The following ARHGAP29 variants were observed in gnomAD, a reference collection of about 807,000 sequenced individuals.
ARHGAP29 encodes Rho GTPase activating protein 29.
In ARHGAP29, 43 loss-of-function variants were observed where a neutral mutation model predicts 122.6. The ratio of observed to expected loss-of-function variants is 0.35; its 90% CI spans 0.27 to 0.45. The LOEUF is 0.45. Among genes scored for constraint, ARHGAP29 ranks in the 20% least tolerant of loss-of-function variants. The probability of loss-of-function intolerance (pLI) is 1.00; values close to 1 mark genes in which losing one functional copy is unlikely to be tolerated. For synonymous variants in ARHGAP29, 506 were observed against 497.1 expected (o/e 1.02, Z -0.24); for missense variants, 1,303 against 1,477.2 (o/e 0.88, Z 1.93).
chr1:94,232,220 T>C, intron 1 of ARHGAP29, among the ~76,000 whole-genome samples: 1 of 151,182 alleles, frequency 6.6e-6, no homozygotes, highest in East Asian at 2.0e-4. Context: ...AGTATGCTCA[T>C]TTATAAAATG....
In ARHGAP29 at chr1:94,243,499, T is replaced by C. The variant is rs540853649; in HGVS notation, c.-32-11856A>G. 3.9e-5 allele frequency among the ~76,000 whole-genome samples: 6 copies of C among 152,110 alleles called. No homozygotes were observed. The East Asian group carries it at 1.2e-3, about 29-fold the overall frequency. On this transcript the variant is annotated intron_variant and NMD_transcript_variant, in intron 1 of 25. Coordinates refer to the ARHGAP29 transcript ENST00000552844. ...AAATTTTAATATATTTTGAACTGAA[T>C]GAAAATGAAAACCCATTTCAAAATG...
chr1:94,174,791 T>C (rs1469463859), intron 22 of ARHGAP29, 42 bp from the exon 23 acceptor site: 1 of 1,580,636 alleles, frequency 6.3e-7, no homozygotes, highest in African/African-American at 1.4e-5. Context: ...GGCACATGGT[T>C]AATAAGAGAG....
intron 1 of ARHGAP29, among the ~76,000 whole-genome samples, chr1:94,246,781 C>T (rs531481062): frequency 6.6e-4 from 100 of 152,240 alleles, no homozygotes; most frequent in Non-Finnish European, 1.2e-3. Context: ...GAAACAAACG[C>T]ACAGGGGTCC....
intron 3 of ARHGAP29, among the ~76,000 whole-genome samples, chr1:94,210,943 C>G (rs148662251): frequency 6.7e-6 from 1 of 150,224 alleles, no homozygotes; most frequent in African/African-American, 2.4e-5. Context: ...AAGGACATTA[C>G]CAGGGATAAA....
At chr1:94,201,578 G>T in intron 12 of ARHGAP29, 142 bp downstream of exon 12, 1 of 713,560 alleles carries the variant, frequency 1.4e-6, no homozygotes, top group Non-Finnish European at 2.1e-6. Context: ...CATAATCGAA[G>T]CTCACTATAA....
At chr1:94,296,899 T>C in the ARHGAP29 span, among the ~76,000 whole-genome samples, 1 of 152,244 alleles carries the variant, frequency 6.6e-6, no homozygotes, top group African/African-American at 2.4e-5. Flanking sequence ...TTTGTTATTC[T>C]GAGAAGAGAG....
At chr1:94,251,171 AT>A (rs531839914) in intron 1 of ARHGAP29, among the ~76,000 whole-genome samples, 5,478 of 134,034 alleles carry the variant, frequency 0.041, 126 homozygotes, top group African/African-American at 0.089. Flanking sequence ...TATCATACCC[AT>A]TTTTTTTTTT....
At position 94,178,030 on chromosome 1, in the gene ARHGAP29, C is replaced by T. The variant is rs751101186; in HGVS notation, c.2618G>A (p.Arg873His). Residue 873 changes from arginine to histidine, a missense_variant, in exon 21 of 23, where the codon CGC (arginine) becomes CAC (histidine). Arg to His is a conservative substitution (Grantham distance 29). Coordinates refer to ENST00000260526, the MANE Select transcript of ARHGAP29 (RefSeq NM_004815.4). ...GTAAGTAATGAGAAACTCTACCAAG[C>T]GTGCTTGATTTGAATACTCTGCAAG... ...SSLAEYSNQA[R>H]LVEFLITYSQ... is the part of the protein sequence containing the mutation. The T allele has an allele frequency of 1.3e-5, 21 of 1,613,996 alleles. No individual in the cohort carries two copies. Among genetic ancestry groups the T allele is most frequent in the South Asian group, 6.6e-5 (6 of 91,088 alleles).
intron 6 of ARHGAP29, 72 bp from the exon 7 acceptor site, chr1:94,205,270 G>A (rs17111218): frequency 0.021 from 25,379 of 1,207,266 alleles, 456 homozygotes; most frequent in East Asian, 0.092. Context: ...AAGAAGCACT[G>A]AGATCCTAAG....
At chr1:94,181,129 TTGAAGAGC>T (rs1649431091) in intron 19 of ARHGAP29, among the ~76,000 whole-genome samples, 1 of 151,734 alleles carries the variant, frequency 6.6e-6, no homozygotes, top group African/African-American at 2.4e-5. Context: ...AGCTGAAGAG[TTGAAGAGC>T]AAATGAACAA....
upstream of ARHGAP29, among the ~76,000 whole-genome samples, chr1:94,238,906 G>T (rs868518515): frequency 6.6e-6 from 1 of 152,078 alleles, no homozygotes; most frequent in Non-Finnish European, 1.5e-5. Context: ...ACCCTTACAG[G>T]AAAAACAATG....
chr1:94,308,424 A>C, the ARHGAP29 span, among the ~76,000 whole-genome samples: 1 of 152,202 alleles, frequency 6.6e-6, no homozygotes, highest in East Asian at 1.9e-4. Flanking sequence ...AATTTGTTGC[A>C]AAAAGCCAGG....
chr1:94,280,310 C>T, the ARHGAP29 span, among the ~76,000 whole-genome samples: 1 of 152,048 alleles, frequency 6.6e-6, no homozygotes, highest in Non-Finnish European at 1.5e-5. Context: ...GGGACTTTTG[C>T]TATGGAAGGT....
the ARHGAP29 span, among the ~76,000 whole-genome samples, chr1:94,299,262 C>T: frequency 1.2e-3 from 183 of 152,294 alleles, no homozygotes; most frequent in African/African-American, 4.2e-3. Flanking sequence ...TGATTATTTA[C>T]AAAATTCCAA....
chr1:94,300,247 T>A, the ARHGAP29 span, among the ~76,000 whole-genome samples: 1 of 152,150 alleles, frequency 6.6e-6, no homozygotes, highest in Non-Finnish European at 1.5e-5. Context: ...AATGGATGAA[T>A]ACATGAGCAG....
chr1:94,302,212 A>C, the ARHGAP29 span: 1 of 264,334 alleles, frequency 3.8e-6, no homozygotes, highest in Non-Finnish European at 7.5e-6. Flanking sequence ...GTTCCACTGC[A>C]CCATCAAGGC....
intron 1 of ARHGAP29, among the ~76,000 whole-genome samples, chr1:94,236,519 G>A (rs1162757025): frequency 3.3e-5 from 5 of 152,142 alleles, no homozygotes; most frequent in African/African-American, 9.7e-5. Context: ...GGGAAGGAGA[G>A]CTCAGCTCCT....
intron 1 of ARHGAP29, among the ~76,000 whole-genome samples, chr1:94,273,219 C>T (rs932033605): frequency 1.3e-5 from 2 of 152,178 alleles, no homozygotes; most frequent in African/African-American, 2.4e-5. Flanking sequence ...AAAACTGTAA[C>T]TCCATTTAAG....
chr1:94,204,146 T>C, intron 7 of ARHGAP29, 152 bp from the exon 8 acceptor site: 1 of 361,694 alleles, frequency 2.8e-6, no homozygotes, highest in Non-Finnish European at 4.8e-6. Flanking sequence ...CTTTCTTCCT[T>C]TTTTTTTTTT....
Sources: gnomAD v4.1 joint callset for allele counts (sites outside exome capture counted in the v4.1 genomes callset) on GRCh38, gnomAD v4.1.1 for gene constraint, MANE v1.5 for transcripts, NCBI Gene and HGNC (gene_info 2026-07-23, HGNC 2026-07-21) for gene names.